SGK1: variants seen among roughly 807,000 people sequenced by gnomAD.
The protein encoded by SGK1 is serum/glucocorticoid regulated kinase 1, also known as serine/threonine-protein kinase Sgk1.
SGK1 carries 26 observed loss-of-function variants against 64.2 expected under a neutral mutation model. That is an observed-to-expected ratio of 0.40 (90% CI 0.30 to 0.56). The LOEUF (loss-of-function observed/expected upper bound fraction) is 0.56. Ranked by LOEUF, SGK1 falls within the 20% of genes least tolerant of loss-of-function variation. The pLI is 0.38. For synonymous variants in SGK1, 265 were observed against 239.7 expected (o/e 1.11, Z -0.98); for missense variants, 519 against 645.6 (o/e 0.80, Z 2.12).
At chr6:134,185,705 T>A (rs1374370967) in intron 3 of SGK1, among the ~76,000 whole-genome samples, 1 of 151,738 alleles carries the variant, frequency 6.6e-6, no homozygotes, top group Non-Finnish European at 1.5e-5. Flanking sequence ...CTCATACAAT[T>A]ATGAAAGCTG....
At chr6:134,175,034 G>C (rs1775180947) in intron 3 of SGK1, 1 of 781,202 alleles carries the variant, frequency 1.3e-6, no homozygotes, top group South Asian at 2.6e-5. Flanking sequence ...TCCCCATTGA[G>C]AGGGCGAGCC....
At chr6:134,267,936 A>T (rs901473012) in intron 1 of SGK1, among the ~76,000 whole-genome samples, 3 of 152,238 alleles carry the variant, frequency 2.0e-5, no homozygotes, top group African/African-American at 7.2e-5. Context: ...ACTGGCTTCA[A>T]CGTGTCCCTT....
chr6:134,172,408 AT>A, intron 9 of SGK1, 92 bp from the exon 10 acceptor site: 1 of 1,294,094 alleles, frequency 7.7e-7, no homozygotes, highest in Non-Finnish European at 1.1e-6. Context: ...TATTAGAGGC[AT>A]TTTAGGTTCA....
intron 1 of SGK1, among the ~76,000 whole-genome samples, chr6:134,287,615 A>G (rs1777206043): frequency 1.3e-5 from 2 of 151,492 alleles, no homozygotes; most frequent in Non-Finnish European, 2.9e-5. Flanking sequence ...TTTTAATAAG[A>G]CTACTATAAG....
chr6:134,170,897 C>A lies in SGK1; in HGVS notation c.1342G>T (p.Val448Phe). The A allele has an allele frequency of 6.2e-7, 1 of 1,610,980 alleles. No homozygotes were observed. Among genetic ancestry groups the A allele is most frequent in the Non-Finnish European group, 8.5e-7 (1 of 1,177,202 alleles). ...TCCCAGTTAATTAAGGAGAAGAAGA[C>A]ATGACTCTTAATCTCCATCTGTTGA... ...KDDFMEIKSH[V>F]FFSLINWDDL... The change falls in exon 13 of 14, where the codon GTC becomes TTC. Residue 448 changes from valine to phenylalanine, a missense_variant. By Grantham distance (50) the Val-to-Phe change is conservative (BLOSUM62 -1). Around this residue, in one of 2 missense-constraint regions of SGK1, gnomAD observed 278 missense variants for 408.7 expected, o/e 0.68. Transcript: ENST00000367858.
chr6:134,219,990 C>T (rs1409155044), intron 2 of SGK1, among the ~76,000 whole-genome samples: 1 of 125,662 alleles, frequency 8.0e-6, no homozygotes, highest in African/African-American at 3.2e-5. Flanking sequence ...ACCCGGGAGG[C>T]GGAGCTTGCA....
intron 3 of SGK1, chr6:134,175,865 C>G (rs753751244): frequency 8.0e-4 from 995 of 1,245,866 alleles, no homozygotes; most frequent in Non-Finnish European, 9.4e-4. Context: ...CTGAAAAATC[C>G]CAGAACTTGG....
chr6:134,277,632 C>CA (rs953764357), intron 1 of SGK1, among the ~76,000 whole-genome samples: 2 of 152,126 alleles, frequency 1.3e-5, no homozygotes, highest in African/African-American at 4.8e-5. Flanking sequence ...GAGCTCTCTA[C>CA]AGTATTGTTC....
intron 1 of SGK1, among the ~76,000 whole-genome samples, chr6:134,267,903 G>A (rs1041798850): frequency 3.3e-5 from 5 of 152,180 alleles, no homozygotes; most frequent in Non-Finnish European, 5.9e-5. Context: ...AAAAGGTTTT[G>A]TCTCCATTGG....
At chr6:134,248,772 CATCAAGAG>C (rs1275906646) in intron 2 of SGK1, among the ~76,000 whole-genome samples, 2 of 152,104 alleles carry the variant, frequency 1.3e-5, no homozygotes, top group Non-Finnish European at 2.9e-5. Context: ...GGCTCTCCCT[CATCAAGAG>C]ATTAAGAGTT....
At chr6:134,283,776 G>T (rs1777132143) in intron 1 of SGK1, among the ~76,000 whole-genome samples, 1 of 147,608 alleles carries the variant, frequency 6.8e-6, no homozygotes, top group Admixed American at 7.0e-5. Flanking sequence ...AGCCCAGAAG[G>T]TCAAGGCTGC....
At chr6:134,242,975 A>C (rs1311697620) in intron 2 of SGK1, among the ~76,000 whole-genome samples, 1 of 151,972 alleles carries the variant, frequency 6.6e-6, no homozygotes, top group Non-Finnish European at 1.5e-5. Flanking sequence ...GGTTATAGAA[A>C]ATATAGAATC....
intron 1 of SGK1, chr6:134,297,526 A>G (rs867335822): frequency 3.6e-5 from 20 of 551,724 alleles, no homozygotes; most frequent in Middle Eastern, 1.0e-3. Flanking sequence ...TTTTTGAGAC[A>G]GAGTCTCACT....
At chr6:134,205,176 G>A (rs1775750244) in intron 3 of SGK1, among the ~76,000 whole-genome samples, 1 of 152,058 alleles carries the variant, frequency 6.6e-6, no homozygotes, top group African/African-American at 2.4e-5. Flanking sequence ...AATCATTTAT[G>A]TTCCTTTGGT....
Position 134,308,705 on chromosome 6 carries a change from C to T in SGK1, c.69+8687G>A, listed in dbSNP as rs562147392. Among the ~76,000 whole-genome samples, 10 of 152,114 alleles carry T rather than the reference C, an allele frequency of 6.6e-5. No individual in the cohort carries two copies. The East Asian group carries it at 1.2e-3, about 18-fold the overall frequency. ...CTGAGTAGCTGGGATTACAGGTGCACGCCACCACACCCTGCTAATTTTTGT... is the reference window on the plus strand; with the variant it reads ...CTGAGTAGCTGGGATTACAGGTGCATGCCACCACACCCTGCTAATTTTTGT... On this transcript the variant is annotated intron_variant, in intron 1 of 13. Transcript: ENST00000367858.
At chr6:134,177,402 A>G (rs1775262336) in intron 3 of SGK1, among the ~76,000 whole-genome samples, 1 of 152,154 alleles carries the variant, frequency 6.6e-6, no homozygotes, top group East Asian at 1.9e-4. Flanking sequence ...CCCGTATGTC[A>G]TGTCCCACCA....
intron 2 of SGK1, among the ~76,000 whole-genome samples, chr6:134,236,097 A>G (rs977245910): frequency 2.6e-5 from 4 of 152,084 alleles, no homozygotes; most frequent in Non-Finnish European, 5.9e-5. Flanking sequence ...ACTTTTCTGT[A>G]TATATTTTAA....
At chr6:134,248,994 GCTC>G (rs2114733229) in intron 2 of SGK1, among the ~76,000 whole-genome samples, 1 of 152,068 alleles carries the variant, frequency 6.6e-6, no homozygotes, top group African/African-American at 2.4e-5. Flanking sequence ...GTGGTTTCAG[GCTC>G]CTCTTTTTAA....
chr6:134,235,539 ATT>A (rs67467396), intron 2 of SGK1, among the ~76,000 whole-genome samples: 3 of 131,782 alleles, frequency 2.3e-5, no homozygotes, highest in African/African-American at 9.6e-5. Context: ...AAAAATAGAT[ATT>A]TTTATTTATT....
Sources: gnomAD v4.1 joint callset for allele counts (sites outside exome capture counted in the v4.1 genomes callset) on GRCh38, gnomAD v4.1.1 for gene constraint, gnomAD v4.1.1 regional missense constraint, MANE v1.5 for transcripts, NCBI Gene and HGNC (gene_info 2026-07-23, HGNC 2026-07-21) for gene names.